The following AGBL4 variants were observed in gnomAD, a reference collection of about 807,000 sequenced individuals.
AGBL4 encodes AGBL carboxypeptidase 4, also known as cytosolic carboxypeptidase 6.
AGBL4 carries 58 observed loss-of-function variants against 66.4 expected under a neutral mutation model. The ratio of observed to expected loss-of-function variants is 0.87; its 90% CI spans 0.71 to 1.09. AGBL4 has a LOEUF of 1.09. Ranked by LOEUF, AGBL4 falls within the 50% of genes least tolerant of loss-of-function variation. AGBL4 has a pLI of 0.00. For synonymous variants in AGBL4, 234 were observed against 222.9 expected, an observed-to-expected ratio of 1.05 and a Z score of -0.44; for missense variants, 579 against 631.0, an observed-to-expected ratio of 0.92 and a Z score of 0.88.
chr1:48,625,154 T>C (rs1645483056), intron 9 of AGBL4, among the ~76,000 whole-genome samples: 1 of 151,030 alleles, frequency 6.6e-6, no homozygotes, highest in African/African-American at 2.4e-5. Context: ...TCTCTTTCTC[T>C]CTCACTCTCT....
intron 6 of AGBL4, chr1:48,776,563 C>T (rs1645098138): frequency 7.5e-7 from 1 of 1,337,232 alleles, no homozygotes; most frequent in Non-Finnish European, 9.7e-7. Context: ...GGGGTCCCAG[C>T]CCCCGCCCGG....
intron 3 of AGBL4, among the ~76,000 whole-genome samples, chr1:49,407,632 C>G (rs1363207727): frequency 6.6e-6 from 1 of 151,926 alleles, no homozygotes. Context: ...AAGTTGAATT[C>G]TCTCACAAAG....
chr1:48,636,431 T>C (rs1057426988), intron 8 of AGBL4, among the ~76,000 whole-genome samples: 1 of 152,228 alleles, frequency 6.6e-6, no homozygotes, highest in African/African-American at 2.4e-5. Flanking sequence ...ATTAACATTT[T>C]ACAGAGGAGA....
intron 2 of AGBL4, 21 bp downstream of exon 2, chr1:49,851,374 GA>G: frequency 6.5e-7 from 1 of 1,527,912 alleles, no homozygotes; most frequent in South Asian, 1.3e-5. Flanking sequence ...AACTTAAAAG[GA>G]AAAGCCTTTA....
chr1:49,317,765 T>C (rs1289537029), intron 3 of AGBL4, among the ~76,000 whole-genome samples: 1 of 151,938 alleles, frequency 6.6e-6, no homozygotes, highest in African/African-American at 2.4e-5. Context: ...AACACCCCTT[T>C]CAAAAATCTA....
chr1:49,873,979 A>T (rs978756042), intron 1 of AGBL4, among the ~76,000 whole-genome samples: 4 of 152,132 alleles, frequency 2.6e-5, no homozygotes, highest in African/African-American at 4.8e-5. Context: ...CACTACATAA[A>T]AACAAGACTT....
chr1:50,008,891 A>G (rs1246889916), intron 1 of AGBL4, among the ~76,000 whole-genome samples: 2 of 152,134 alleles, frequency 1.3e-5, no homozygotes, highest in African/African-American at 4.8e-5. Context: ...CAATCAAATG[A>G]AAAACCTAGC....
intron 4 of AGBL4, among the ~76,000 whole-genome samples, chr1:49,176,546 T>C (rs1182202854): frequency 6.6e-6 from 1 of 152,182 alleles, no homozygotes; most frequent in Non-Finnish European, 1.5e-5. Context: ...CTCTTGCTCA[T>C]ACAAACGATG....
intron 6 of AGBL4, among the ~76,000 whole-genome samples, chr1:48,689,485 CTCCTTCTG>C (rs1371115722): frequency 1.4e-5 from 2 of 146,158 alleles, no homozygotes; most frequent in African/African-American, 5.0e-5. Flanking sequence ...TCCTCCCTTC[CTCCTTCTG>C]TCCTTCTTCC....
At chr1:49,694,131 T>A (rs886497149) in intron 3 of AGBL4, among the ~76,000 whole-genome samples, 9 of 152,152 alleles carry the variant, frequency 5.9e-5, no homozygotes, top group Non-Finnish European at 1.5e-5. Context: ...CAGCCTGCAA[T>A]GACTAATACA....
At chr1:48,924,596 A>G (rs1194781562) in intron 5 of AGBL4, among the ~76,000 whole-genome samples, 1 of 152,186 alleles carries the variant, frequency 6.6e-6, no homozygotes, top group African/African-American at 2.4e-5. Context: ...AGGGTAATAA[A>G]AAGGATAAAT....
intron 2 of AGBL4, among the ~76,000 whole-genome samples, chr1:49,758,803 T>G (rs1271489033): frequency 3.9e-5 from 6 of 151,934 alleles, no homozygotes; most frequent in African/African-American, 1.5e-4. Flanking sequence ...TGGAATGACT[T>G]AGGACTTTAG....
chr1:49,086,596 C>A (rs995727675), intron 4 of AGBL4, among the ~76,000 whole-genome samples: 1 of 152,030 alleles, frequency 6.6e-6, no homozygotes, highest in Admixed American at 6.5e-5. Context: ...TCCACCCAAG[C>A]AGTCCTACTT....
chr1:48,687,847 A>T (rs1646559964), intron 6 of AGBL4, among the ~76,000 whole-genome samples: 1 of 152,228 alleles, frequency 6.6e-6, no homozygotes. Flanking sequence ...CAGGTCTGGC[A>T]GGCTTCCCTG....
chr1:49,589,916 C>A (rs940191992), intron 3 of AGBL4, among the ~76,000 whole-genome samples: 1 of 151,964 alleles, frequency 6.6e-6, no homozygotes, highest in Non-Finnish European at 1.5e-5. Context: ...GCTATTTTGA[C>A]TCTTACTTGG....
At chr1:49,567,166 T>A (rs2148864909) in intron 3 of AGBL4, among the ~76,000 whole-genome samples, 1 of 152,326 alleles carries the variant, frequency 6.6e-6, no homozygotes, top group East Asian at 1.9e-4. Context: ...AGTATTAGGG[T>A]GGGAGTGACC....
intron 1 of AGBL4, among the ~76,000 whole-genome samples, chr1:49,930,662 A>T (rs1448745027): frequency 6.6e-6 from 1 of 152,142 alleles, no homozygotes; most frequent in Non-Finnish European, 1.5e-5. Flanking sequence ...TTAACATACC[A>T]AAAACATGTA....
intron 2 of AGBL4, among the ~76,000 whole-genome samples, chr1:49,747,195 T>C (rs1032190197): frequency 3.9e-5 from 6 of 152,148 alleles, no homozygotes; most frequent in African/African-American, 2.4e-5. Flanking sequence ...TCAAGGACTT[T>C]TGCTTTATTC....
intron 5 of AGBL4, among the ~76,000 whole-genome samples, chr1:48,905,619 G>A (rs1331420104): frequency 1.3e-5 from 2 of 152,140 alleles, no homozygotes; most frequent in African/African-American, 4.8e-5. Flanking sequence ...AAGTGTTAGT[G>A]TTATCTCCTT....
Sources: gnomAD v4.1 joint callset for allele counts (sites outside exome capture counted in the v4.1 genomes callset) on GRCh38, gnomAD v4.1.1 for gene constraint, MANE v1.5 for transcripts, NCBI Gene and HGNC (gene_info 2026-07-23, HGNC 2026-07-21) for gene names.